E2F8: variants seen among roughly 807,000 people sequenced by gnomAD.
E2F8 encodes E2F transcription factor 8, also known as transcription factor E2F8.
Under a neutral mutation model 80.8 loss-of-function variants are expected in E2F8, and 35 were observed. The ratio of observed to expected loss-of-function variants is 0.43; its 90% CI spans 0.33 to 0.57. The LOEUF (loss-of-function observed/expected upper bound fraction) is 0.57, where lower values mean the gene tolerates loss of function less well. Ranked by LOEUF, E2F8 falls within the 20% of genes least tolerant of loss-of-function variation. The pLI, the probability that E2F8 is intolerant of heterozygous loss-of-function variation, is 0.04. For synonymous variants in E2F8, 386 were observed against 395.0 expected (o/e 0.98, Z 0.27); for missense variants, 975 against 1,056.2 (o/e 0.92, Z 1.07).
In E2F8 at chr11:19,225,883, G is replaced by T. The variant is rs760176279; in HGVS notation, c.1894-19C>A. ...ACAAGGTCTAGAAAACAAGGAGGAAGGGTTTATTTTACACACAAATACAGG... is the reference window on the plus strand; with the variant it reads ...ACAAGGTCTAGAAAACAAGGAGGAATGGTTTATTTTACACACAAATACAGG... On this transcript the variant is annotated intron_variant, in intron 10 of 12. Transcript: ENST00000250024. The T allele has an allele frequency of 3.1e-6, 5 of 1,608,910 alleles. No individual in the cohort carries two copies. The South Asian group carries it at 4.4e-5, about 14-fold the overall frequency.
In E2F8 at chr11:19,224,098, G is replaced by A. The variant is rs1225456369; in HGVS notation, c.*560C>T. 2.0e-5 allele frequency: 3 copies of A among 152,386 alleles called. No individual in the cohort carries two copies. The highest frequency in any genetic ancestry group is 2.9e-5 in the Non-Finnish European group (2 of 68,026). The allele number at this position is 152,386 out of a possible 1,614,324, so 9.4% of individuals were successfully genotyped here. A position where few individuals can be genotyped will look rare whatever the true frequency, so the allele number is the denominator to read the frequency against. On this transcript the variant is annotated 3_prime_UTR_variant, in exon 13 of 13. Transcript: ENST00000250024. ...AAAAGTTTTAATTTGAACAACTTATGATTAAAAATACATTTTATAAATAAT... is the reference window on the plus strand; with the variant it reads ...AAAAGTTTTAATTTGAACAACTTATAATTAAAAATACATTTTATAAATAAT...
chr11:19,229,749 C>T lies in E2F8; in HGVS notation c.1598G>A (p.Ser533Asn). 1.9e-6 allele frequency: 3 copies of T among 1,614,164 alleles called. No homozygotes were observed. Among genetic ancestry groups the T allele is most frequent in the South Asian group, 1.1e-5 (1 of 91,078 alleles). The change falls in exon 10 of 13, where the codon AGT (serine) becomes AAT (asparagine). Residue 533 changes from serine to asparagine, a missense_variant. Transcript: ENST00000250024. The surrounding 1 kb of genome is among the most constrained non-coding windows in gnomAD (Gnocchi z 4.3). ...IYLQPTQAHQ[S>N]VTPPQGLSPT... The stretch of plus-strand genomic sequence containing the variant: ...GCTCAGGCCTTGGGGTGGCGTCACA[C>T]TTTGGTGGGCTTGAGTGGGCTGCAG...
Position 19,235,033 on chromosome 11 carries a change from A to G in E2F8, c.477T>C (p.Asp159=). ...ELNVERRRIY[D]IVNVLESLHM... The stretch of plus-strand genomic sequence containing the variant: ...GTAAACTCTCTAGGACGTTCACGAT[A>G]TCGTAAATGCGTCGACGTTCAACAT... Residue 159 remains aspartate (D), a synonymous_variant, in exon 5 of 13, where the codon GAT becomes GAC. Transcript: ENST00000250024. The G allele has an allele frequency of 6.2e-7, 1 of 1,608,288 alleles. No individual in the cohort carries two copies. The highest frequency in any genetic ancestry group is 8.5e-7 in the Non-Finnish European group (1 of 1,176,948).
Position 19,237,987 on chromosome 11 carries a change from C to T in E2F8, c.161G>A (p.Gly54Glu), listed in dbSNP as rs374178327. The change falls in exon 3 of 13, where the codon GGA (glycine) becomes GAA (glutamate). Residue 54 changes from glycine to glutamate, a missense_variant. By Grantham distance (98) the Gly-to-Glu change is moderately conservative. Transcript: ENST00000250024. ...GTTGGCTGTCGGTGTCCACGGCTCT[C>T]CCTGAGAGCCTTCCTTGGGCTTGGT... The part of the protein sequence containing the change: ...TPTKPKEGSQ[G>E]EPWTPTANLK... 1 of 1,614,212 alleles carries T rather than the reference C, an allele frequency of 6.2e-7. No homozygotes were observed. Among genetic ancestry groups the T allele is most frequent in the Middle Eastern group, 1.6e-4 (1 of 6,062 alleles).
At chr11:19,227,296 G>A (rs1347160032) in intron 10 of E2F8, among the ~76,000 whole-genome samples, 1 of 152,096 alleles carries the variant, frequency 6.6e-6, no homozygotes, top group Admixed American at 6.5e-5. Flanking sequence ...CTACTAGTAG[G>A]TGCCTTGAAA....
rs138854292 is a variant in E2F8, at chr11:19,228,647, G to A, written c.1893+807C>T. Among the ~76,000 whole-genome samples, 5 of 152,334 alleles carry A rather than the reference G, an allele frequency of 3.3e-5. No homozygotes were observed. The East Asian group carries it at 9.6e-4, about 29-fold the overall frequency. ...CCGATGCGGAAAAATAAGACAGAGA[G>A]AAGTAAAATAGCTTGTATTAAGAGC... On this transcript the variant is annotated intron_variant, in intron 10 of 12. Transcript: ENST00000250024.
rs1308211684 is a variant in E2F8, at chr11:19,232,298, T to C, written c.1002A>G (p.Thr334=). ...AAGCTGGTTTTCGGCCTCTTTCCTC[T>C]GTAACATGAACTTTCTTGATAAGAT... ...SLDLIKKVHV[T]EERGRKPAFK... is the part of the protein sequence containing the mutation. The change falls in exon 7 of 13, where the codon ACA becomes ACG. Residue 334 remains threonine (T), a synonymous_variant. Coordinates refer to ENST00000250024, the MANE Select transcript of E2F8 (RefSeq NM_024680.4). The C allele has an allele frequency of 1.2e-6, 2 of 1,614,210 alleles. No individual in the cohort carries two copies. Among genetic ancestry groups the C allele is most frequent in the East Asian group, 2.2e-5 (1 of 44,888 alleles).
In E2F8 at chr11:19,229,707, G is replaced by C. The variant is rs1836318196; in HGVS notation, c.1640C>G (p.Thr547Ser). ...PQGLSPTVCT[T>S]HSSKATGSKD... ...TGAGCCAGTAGCTTTAGAAGAGTGG[G>C]TGGTGCACACCGTTGGGCTCAGGCC... The change falls in exon 10 of 13, where the codon ACC (threonine) becomes AGC (serine). Residue 547 changes from threonine to serine, a missense_variant. Physicochemically the swap from Thr to Ser is moderately conservative, Grantham distance 58. Transcript: ENST00000250024. The surrounding 1 kb of genome is among the most constrained non-coding windows in gnomAD (Gnocchi z 4.3). The C allele has an allele frequency of 1.2e-6, 2 of 1,614,088 alleles. No individual in the cohort carries two copies. Among genetic ancestry groups the C allele is most frequent in the African/African-American group, 1.3e-5 (1 of 74,922 alleles).
rs757055664 is a variant in E2F8, at chr11:19,234,341, T to C, written c.928+19A>G. The C allele has an allele frequency of 5.6e-6, 9 of 1,611,280 alleles. No individual in the cohort carries two copies. Among genetic ancestry groups the C allele is most frequent in the South Asian group, 1.1e-5 (1 of 90,286 alleles). On this transcript the variant is annotated intron_variant, in intron 6 of 12. Coordinates refer to ENST00000250024, the MANE Select transcript of E2F8 (RefSeq NM_024680.4). The stretch of plus-strand genomic sequence containing the variant: ...GTTTAAGAATAGGTTCAAAAATCCA[T>C]GGCAGTCATGACACTTACTTTTAAA...
At chr11:19,237,543 C>A (rs893042738) in intron 3 of E2F8, 73 bp from the exon 4 acceptor site, 1 of 1,474,294 alleles carries the variant, frequency 6.8e-7, no homozygotes. Flanking sequence ...CATCTGTGCT[C>A]GATGACTGAC....
Position 19,232,982 on chromosome 11 carries a change from C to T in E2F8, c.929-611G>A, listed in dbSNP as rs79954421. The stretch of plus-strand genomic sequence containing the variant: ...TAGTACAAATTACAAATCGAGTCTC[C>T]TTCCTAGCCATATCAGAAGGTTCTG... On this transcript the variant is annotated intron_variant, in intron 6 of 12. Coordinates refer to ENST00000250024, the MANE Select transcript of E2F8 (RefSeq NM_024680.4). 4.1e-3 allele frequency among the ~76,000 whole-genome samples: 620 copies of T among 152,250 alleles called. 6 individuals carry two copies. Among genetic ancestry groups the T allele is most frequent in the African/African-American group, 0.014 (585 of 41,546 alleles).
Position 19,225,568 on chromosome 11 carries a change from A to C in E2F8, c.2074T>G (p.Ser692Ala), listed in dbSNP as rs201326964. 11 of 1,614,222 alleles carry C rather than the reference A, an allele frequency of 6.8e-6. No individual in the cohort carries two copies. The highest frequency in any genetic ancestry group is 7.6e-6 in the Non-Finnish European group (9 of 1,180,034). The change falls in exon 12 of 13, where the codon TCT (serine) becomes GCT (alanine). Residue 692 changes from serine to alanine, a missense_variant. Physicochemically the swap from Ser to Ala is moderately conservative, Grantham distance 99. Coordinates refer to ENST00000250024, the MANE Select transcript of E2F8 (RefSeq NM_024680.4). Reference protein sequence around the residue: ...SSELTAVNFPSFHVTPLKLMV... With the variant: ...SSELTAVNFPAFHVTPLKLMV... ...AGCTTCAACGGTGTTACATGAAAAGAGGGAAAATTAACAGCAGTGAGTTCA... is the reference window on the plus strand; with the variant it reads ...AGCTTCAACGGTGTTACATGAAAAGCGGGAAAATTAACAGCAGTGAGTTCA...
chr11:19,241,014 T>C (rs1851648501), upstream of E2F8: 1 of 152,284 alleles, frequency 6.6e-6, no homozygotes, highest in Non-Finnish European at 1.5e-5. This position sits in a 1 kb window ranked among gnomAD's most constrained non-coding sequence, Gnocchi z 4.5. Context: ...GTCCCGACAG[T>C]TCCCGGACAG....
In E2F8 at chr11:19,230,677, C is replaced by T. The variant is rs763402043; in HGVS notation, c.1224G>A (p.Arg408=). The change falls in exon 8 of 13, where the codon CGG becomes CGA. Residue 408 remains arginine (R), a synonymous_variant. Transcript: ENST00000250024. ...IKLVKSIESD[R]RKINSAPSSP... ...TACTGGGCGCAGAATTTATCTTTCT[C>T]CGATCACTTTCTATACTCTTTACCA... The T allele has an allele frequency of 6.2e-7, 1 of 1,614,196 alleles. No homozygotes were observed. The highest frequency in any genetic ancestry group is 1.1e-5 in the South Asian group (1 of 91,080).
At chr11:19,237,095 A>C (rs1321903674) in intron 4 of E2F8, among the ~76,000 whole-genome samples, 1 of 152,250 alleles carries the variant, frequency 6.6e-6, no homozygotes, top group African/African-American at 2.4e-5. Context: ...AGTCAGAAGC[A>C]ACCTCCATTG....
intron 10 of E2F8, among the ~76,000 whole-genome samples, chr11:19,228,670 A>G (rs1459321759): frequency 6.6e-6 from 1 of 152,244 alleles, no homozygotes; most frequent in Non-Finnish European, 1.5e-5. Flanking sequence ...TTGTATTAAG[A>G]GCAGGGGCAA....
chr11:19,234,323 A>G, intron 6 of E2F8, 37 bp downstream of exon 6: 4 of 1,608,254 alleles, frequency 2.5e-6, no homozygotes, highest in Non-Finnish European at 1.7e-6. Context: ...ATTGTTTAAG[A>G]ATAGGTTCAA....
At chr11:19,230,957 T>A in intron 7 of E2F8, 123 bp from the exon 8 acceptor site, 1 of 789,714 alleles carries the variant, frequency 1.3e-6, no homozygotes, top group Non-Finnish European at 2.0e-6. Context: ...TGCCTGTCAC[T>A]GTTCTAAGGG....
intron 12 of E2F8, 37 bp from the exon 13 acceptor site, chr11:19,224,877 CCA>C (rs751176803): frequency 6.2e-7 from 1 of 1,610,030 alleles, no homozygotes; most frequent in South Asian, 1.1e-5. Context: ...AAGAAGTCAA[CCA>C]CACACAGGTA....
Sources: gnomAD v4.1 joint callset for allele counts (sites outside exome capture counted in the v4.1 genomes callset) on GRCh38, gnomAD v4.1.1 for gene constraint, Gnocchi (gnomAD v3.1) non-coding constraint, MANE v1.5 for transcripts, NCBI Gene and HGNC (gene_info 2026-07-23, HGNC 2026-07-21) for gene names.